CTNNA2: variants seen among roughly 807,000 people sequenced by gnomAD.
CTNNA2 encodes the protein catenin alpha 2, also known as catenin alpha-2.
In CTNNA2, 42 loss-of-function variants were observed where a neutral mutation model predicts 101.0. The ratio of observed to expected loss-of-function variants is 0.42; its 90% CI spans 0.32 to 0.54. CTNNA2 has a LOEUF of 0.54. Among genes scored for constraint, CTNNA2 ranks in the 20% least tolerant of loss-of-function variants. CTNNA2 has a pLI of 0.14. For missense variants in CTNNA2, 871 were observed against 1,223.1 expected, an observed-to-expected ratio of 0.71 and a Z score of 4.29; for synonymous variants, 450 against 456.4, an observed-to-expected ratio of 0.99 and a Z score of 0.18.
intron 3 of CTNNA2, among the ~76,000 whole-genome samples, chr2:79,338,577 C>CTTCT (rs1558633909): frequency 8.6e-6 from 1 of 116,136 alleles, no homozygotes; most frequent in African/African-American, 3.8e-5. Flanking sequence ...TCCTCCTCAT[C>CTTCT]ATCTTCTTCT....
At chr2:79,673,600 AT>A (rs1245764863) in intron 2 of CTNNA2, among the ~76,000 whole-genome samples, 1 of 152,128 alleles carries the variant, frequency 6.6e-6, no homozygotes, top group Admixed American at 6.5e-5. Flanking sequence ...CTCTTTCAGC[AT>A]TTTTTGGCAG....
At chr2:80,460,298 A>G (rs1572944399) in intron 9 of CTNNA2, among the ~76,000 whole-genome samples, 1 of 152,042 alleles carries the variant, frequency 6.6e-6, no homozygotes, top group African/African-American at 2.4e-5. Flanking sequence ...GCTAGCAGAC[A>G]TTTGCATGGT....
chr2:79,413,527 G>C (rs1055885509), intron 4 of CTNNA2, among the ~76,000 whole-genome samples: 1 of 152,000 alleles, frequency 6.6e-6, no homozygotes, highest in Non-Finnish European at 1.5e-5. Context: ...ATAATCATGG[G>C]AGTGTGAATA....
At chr2:79,518,252 C>A (rs1233633141) in intron 1 of CTNNA2, among the ~76,000 whole-genome samples, 1 of 152,018 alleles carries the variant, frequency 6.6e-6, no homozygotes, top group African/African-American at 2.4e-5. Flanking sequence ...TGGGGGAAGC[C>A]AGGTAATACA....
chr2:79,798,771 C>A (rs1675920255), intron 3 of CTNNA2, among the ~76,000 whole-genome samples: 1 of 152,026 alleles, frequency 6.6e-6, no homozygotes, highest in Non-Finnish European at 1.5e-5. Context: ...TTCTGAAAGA[C>A]AGGGATTTTG....
intron 7 of CTNNA2, among the ~76,000 whole-genome samples, chr2:80,235,796 C>T (rs1053730836): frequency 6.6e-6 from 1 of 152,176 alleles, no homozygotes; most frequent in African/African-American, 2.4e-5. Flanking sequence ...TGTGTTTCTA[C>T]TGCTTCTCTG....
chr2:80,356,888 G>C (rs889183619), intron 7 of CTNNA2, among the ~76,000 whole-genome samples: 1 of 152,178 alleles, frequency 6.6e-6, no homozygotes, highest in Admixed American at 6.5e-5. Flanking sequence ...TTGGTATCAA[G>C]TATAAAATAA....
intron 4 of CTNNA2, among the ~76,000 whole-genome samples, chr2:79,378,397 G>T (rs1398533423): frequency 6.6e-6 from 1 of 152,182 alleles, no homozygotes; most frequent in Middle Eastern, 3.4e-3. Context: ...GTATTGTAGG[G>T]TATGCTCTAG....
At chr2:79,214,014 G>A (rs1230587854) in intron 2 of CTNNA2, among the ~76,000 whole-genome samples, 3 of 152,202 alleles carry the variant, frequency 2.0e-5, no homozygotes, top group Admixed American at 6.5e-5. Flanking sequence ...TGGCTCTTGT[G>A]TAAGAATTCT....
At chr2:80,268,812 A>G (rs538617672) in intron 7 of CTNNA2, among the ~76,000 whole-genome samples, 89 of 152,342 alleles carry the variant, frequency 5.8e-4, no homozygotes, top group Middle Eastern at 3.4e-3. Context: ...CAAGGTTTTT[A>G]TAGAAACAGG....
chr2:79,870,025 A>T, intron 5 of CTNNA2, 90 bp downstream of exon 5: 4 of 1,476,074 alleles, frequency 2.7e-6, no homozygotes, highest in Non-Finnish European at 3.7e-6. Flanking sequence ...GATCAACTGC[A>T]TCTGCTTGCT....
In CTNNA2 at chr2:80,558,456, GTGTA is replaced by G. The variant is rs796567258; in HGVS notation, c.1741+2565_1741+2568del. On this transcript the variant is annotated intron_variant, in intron 12 of 18. Coordinates refer to ENST00000402739, the MANE Select transcript of CTNNA2 (RefSeq NM_001282597.3). ...CAAAGTTTTGTTGGTGTGTGTGTGT[GTGTA>G]TATATGTGTGTGTGTGTGTGTGTGT... Among the ~76,000 whole-genome samples, 389 of 86,114 alleles carry G rather than the reference GTGTA, an allele frequency of 4.5e-3. 3 individuals are homozygous for G. Among genetic ancestry groups the G allele is most frequent in the Admixed American group, 0.042 (284 of 6,766 alleles). The allele number at this position is 86,114 out of a possible 152,430, so 56.5% of individuals were successfully genotyped here. A position where few individuals can be genotyped will look rare whatever the true frequency, so the allele number is the denominator to read the frequency against.
chr2:79,889,076 A>G (rs1055932073), intron 6 of CTNNA2, among the ~76,000 whole-genome samples: 4 of 152,144 alleles, frequency 2.6e-5, no homozygotes, highest in Non-Finnish European at 4.4e-5. Context: ...TCCCTCCAGG[A>G]TTATGACTTC....
intron 9 of CTNNA2, among the ~76,000 whole-genome samples, chr2:80,437,000 G>A (rs1454523598): frequency 3.9e-5 from 6 of 152,164 alleles, no homozygotes; most frequent in Admixed American, 6.6e-5. Context: ...AAGTGACTGG[G>A]TAATGAGGGC....
chr2:79,817,847 C>T (rs1677652476), intron 3 of CTNNA2, among the ~76,000 whole-genome samples: 1 of 152,132 alleles, frequency 6.6e-6, no homozygotes, highest in Admixed American at 6.5e-5. Flanking sequence ...AGAAGGGAGA[C>T]AAACCATTGG....
intron 2 of CTNNA2, among the ~76,000 whole-genome samples, chr2:79,210,273 A>T (rs1184894677): frequency 6.6e-6 from 1 of 152,228 alleles, no homozygotes; most frequent in Non-Finnish European, 1.5e-5. Context: ...TAAAAAGACA[A>T]GGATTTGAGG....
Position 80,607,462 on chromosome 2 carries a change from C to T in CTNNA2, c.2296-722C>T, listed in dbSNP as rs114080580. ...GTGCTTGATGGACACCCGCCTACTT[C>T]GGTCATAATGAAAATCCAAACTCCT... On this transcript the variant is annotated intron_variant, in intron 16 of 18. Coordinates refer to ENST00000402739, the MANE Select transcript of CTNNA2 (RefSeq NM_001282597.3). 3.7e-3 allele frequency among the ~76,000 whole-genome samples: 555 copies of T among 151,948 alleles called. 1 individual carries two copies. The highest frequency in any genetic ancestry group is 0.013 in the African/African-American group (525 of 41,506).
chr2:79,366,243 AAAAT>A (rs1327526087), intron 3 of CTNNA2, among the ~76,000 whole-genome samples: 6 of 152,214 alleles, frequency 3.9e-5, no homozygotes, highest in African/African-American at 1.4e-4. Flanking sequence ...CTGCAAAACA[AAAAT>A]AAATAAATAA....
chr2:80,059,262 T>C lies in CTNNA2; in HGVS notation c.1056+149465T>C, dbSNP rs1375284655. 2.0e-5 allele frequency among the ~76,000 whole-genome samples: 3 copies of C among 152,196 alleles called. No homozygotes were observed. In the East Asian group the frequency reaches 5.8e-4, roughly 30 times the overall value. On this transcript the variant is annotated intron_variant, in intron 7 of 18. Transcript: ENST00000402739. The stretch of plus-strand genomic sequence containing the variant: ...CCTATCACAAATTGCAAGACTCTCA[T>C]ACAGGGCAGACTCAGTGAGCTTACC...
Sources: allele counts gnomAD v4.1 joint callset (sites outside exome capture counted in the v4.1 genomes callset), GRCh38; gene constraint gnomAD v4.1.1; transcripts MANE v1.5; gene names NCBI Gene and HGNC (gene_info 2026-07-23, HGNC 2026-07-21).